USP18: variants seen among roughly 807,000 people sequenced by gnomAD.
The protein encoded by USP18 is ubl carboxyl-terminal hydrolase 18.
A neutral mutation model predicts 48.7 loss-of-function variants in USP18; 11 were observed. That is an observed-to-expected ratio of 0.23 (90% CI 0.14 to 0.37). The LOEUF (loss-of-function observed/expected upper bound fraction) is 0.37, where lower values mean the gene tolerates loss of function less well. USP18 is among the 10% of genes least tolerant of loss of function. The pLI, the probability that USP18 is intolerant of heterozygous loss-of-function variation, is 1.00. For missense variants in USP18, 285 were observed against 436.4 expected (o/e 0.65, Z 3.09); for synonymous variants, 114 against 163.2 (o/e 0.70, Z 2.30).
chr22:18,164,281 T>C (rs1929412546), intron 4 of USP18, among the ~76,000 whole-genome samples: 1 of 151,540 alleles, frequency 6.6e-6, no homozygotes. Context: ...ACAAACTCCT[T>C]CTAGGGAGAA....
At chr22:18,169,312 C>T (rs5993037) in intron 6 of USP18, among the ~76,000 whole-genome samples, 61,278 of 151,620 alleles carry the variant, frequency 0.4, 13,466 homozygotes, top group African/African-American at 0.59. Flanking sequence ...TGGTAACTCA[C>T]GCCCATAATC....
intron 1 of USP18, among the ~76,000 whole-genome samples, chr22:18,152,055 A>AAAAT (rs2123723998): frequency 6.6e-6 from 1 of 152,290 alleles, no homozygotes; most frequent in African/African-American, 2.4e-5. Context: ...CTCCGTCTCA[A>AAAAT]AAATAAAAAT....
rs1401808381 is a variant in USP18, at chr22:18,163,525, C to T, written c.400+1590C>T. The stretch of plus-strand genomic sequence containing the variant: ...GGGCGTGGTGGCGGGCGCCTGTAGT[C>T]CCAGCTACTCGGGAGGCTGAGGAAG... On this transcript the variant is annotated intron_variant, in intron 4 of 10. Transcript: ENST00000215794. 2.0e-5 allele frequency among the ~76,000 whole-genome samples: 3 copies of T among 151,948 alleles called. No homozygotes were observed. In the East Asian group the frequency reaches 5.8e-4, roughly 29 times the overall value.
In USP18 at chr22:18,173,234, G is replaced by C; in HGVS notation, c.976G>C (p.Ala326Pro). Residue 326 changes from alanine (A) to proline (P), a missense_variant, in exon 9 of 11, where the codon GCT becomes CCT. Ala to Pro is a conservative substitution (Grantham distance 27, BLOSUM62 -1). Around this residue, in one of 5 missense-constraint regions of USP18, gnomAD observed 44 missense variants for 64.4 expected, o/e 0.68. Coordinates refer to ENST00000215794, the MANE Select transcript of USP18 (RefSeq NM_017414.4). ...SGHYCVYIRN[A>P]VDGKWFCFND... ...TCATTACTGTGTCTACATCCGGAAT[G>C]CTGTGGATGGAAAATGGTTCTGCTT... is the stretch of plus-strand genomic sequence containing the variant. 6.2e-7 allele frequency: 1 copy of C among 1,606,660 alleles called. No individual in the cohort carries two copies. Among genetic ancestry groups the C allele is most frequent in the Non-Finnish European group, 8.5e-7 (1 of 1,175,394 alleles).
intron 1 of USP18, among the ~76,000 whole-genome samples, chr22:18,157,156 G>A (rs1220451367): frequency 1.3e-5 from 2 of 152,272 alleles, no homozygotes; most frequent in East Asian, 3.8e-4. Context: ...AGGCTGTTCT[G>A]CCAGGGCCGC....
At chr22:18,164,407 C>T (rs537198582) in intron 4 of USP18, among the ~76,000 whole-genome samples, 105 of 152,228 alleles carry the variant, frequency 6.9e-4, no homozygotes, top group South Asian at 3.5e-3. Context: ...TCCCAAAGCT[C>T]GGTGGTCGAG....
intron 1 of USP18, among the ~76,000 whole-genome samples, chr22:18,155,402 G>A (rs890172867): frequency 4.6e-5 from 7 of 152,218 alleles, no homozygotes; most frequent in Non-Finnish European, 7.4e-5. Flanking sequence ...GTGCCTCCTC[G>A]GCCTTGGCGC....
At chr22:18,167,800 C>A (rs539813832) in intron 5 of USP18, 90 bp from the exon 6 acceptor site, 2 of 1,452,370 alleles carry the variant, frequency 1.4e-6, no homozygotes, top group African/African-American at 2.8e-5. Context: ...TTGTGAGGAG[C>A]TTCTGTCTCT....
intron 4 of USP18, among the ~76,000 whole-genome samples, chr22:18,166,520 T>C (rs1182793485): frequency 6.6e-6 from 1 of 151,632 alleles, no homozygotes; most frequent in Non-Finnish European, 1.5e-5. Flanking sequence ...TGTTGGAAAA[T>C]GAACATTTTA....
At chr22:18,155,870 C>T (rs796785628) in intron 1 of USP18, among the ~76,000 whole-genome samples, 8 of 152,352 alleles carry the variant, frequency 5.3e-5, no homozygotes, top group South Asian at 2.1e-4. Context: ...CTGAGGAGTG[C>T]GGGCGCACGG....
intron 6 of USP18, among the ~76,000 whole-genome samples, chr22:18,168,252 T>C (rs1420789698): frequency 2.6e-5 from 4 of 152,186 alleles, no homozygotes; most frequent in African/African-American, 9.7e-5. Context: ...GCGAGGGGGC[T>C]GAGCATGCTA....
intron 9 of USP18, 132 bp downstream of exon 9, chr22:18,173,413 T>A (rs1929692862): frequency 7.8e-7 from 1 of 1,279,578 alleles, no homozygotes; most frequent in Non-Finnish European, 1.1e-6. Flanking sequence ...GGGCCTTTGA[T>A]GAGGGTTCAA....
chr22:18,162,918 TG>T (rs2123733908), intron 4 of USP18, among the ~76,000 whole-genome samples: 1 of 151,546 alleles, frequency 6.6e-6, no homozygotes, highest in South Asian at 2.1e-4. Flanking sequence ...ATGCCTATTT[TG>T]GTCGGCTTGA....
chr22:18,158,031 T>TG (rs1317395418), intron 2 of USP18, among the ~76,000 whole-genome samples: 1 of 152,204 alleles, frequency 6.6e-6, no homozygotes, highest in Non-Finnish European at 1.5e-5. Context: ...GGCTCATGCC[T>TG]GTAATCCCAG....
intron 1 of USP18, among the ~76,000 whole-genome samples, chr22:18,154,529 C>T (rs1462055903): frequency 1.3e-5 from 2 of 152,148 alleles, no homozygotes; most frequent in Non-Finnish European, 2.9e-5. Flanking sequence ...TCAGTGCAGC[C>T]TCAAACTCCT....
At chr22:18,173,695 G>T in intron 9 of USP18, 98 bp from the exon 10 acceptor site, 2 of 1,556,888 alleles carry the variant, frequency 1.3e-6, no homozygotes, top group Non-Finnish European at 1.8e-6. Context: ...TGCTAGGGGT[G>T]GGCTTGTCTG....
chr22:18,174,774 G>A (rs1433367703), intron 10 of USP18, among the ~76,000 whole-genome samples: 1 of 152,092 alleles, frequency 6.6e-6, no homozygotes, highest in East Asian at 1.9e-4. Context: ...TTAAAAAAAT[G>A]TTTGTAGAGA....
At chr22:18,172,137 A>G (rs1367869002) in intron 8 of USP18, among the ~76,000 whole-genome samples, 1 of 152,192 alleles carries the variant, frequency 6.6e-6, no homozygotes, top group Non-Finnish European at 1.5e-5. Context: ...GGAACATTAC[A>G]AATAGATACC....
chr22:18,167,867 C>A, intron 5 of USP18, 23 bp from the exon 6 acceptor site: 1 of 1,608,642 alleles, frequency 6.2e-7, no homozygotes, highest in Non-Finnish European at 8.5e-7. Context: ...TCCCATCTCA[C>A]CTCTCCGCTC....
Sources: gnomAD v4.1 joint callset for allele counts (sites outside exome capture counted in the v4.1 genomes callset) on GRCh38, gnomAD v4.1.1 for gene constraint, gnomAD v4.1.1 regional missense constraint, MANE v1.5 for transcripts, NCBI Gene and HGNC (gene_info 2026-07-23, HGNC 2026-07-21) for gene names.